Variants in DYNC1I2 observed in about 807,000 individuals in gnomAD.
DYNC1I2 encodes dynein cytoplasmic 1 intermediate chain 2.
DYNC1I2 carries 53 observed loss-of-function variants against 88.6 expected under a neutral mutation model. The observed-to-expected ratio is 0.60, with a 90% CI of 0.48 to 0.75. The LOEUF is 0.75. Among genes scored for constraint, DYNC1I2 ranks in the 30% least tolerant of loss-of-function variants. The probability of loss-of-function intolerance (pLI) is 0.00; values close to 1 mark genes in which losing one functional copy is unlikely to be tolerated. For missense variants in DYNC1I2, 458 were observed against 766.6 expected (o/e 0.60, Z 4.75); for synonymous variants, 198 against 254.6 (o/e 0.78, Z 2.12).
rs1689955643 is a variant in DYNC1I2 at position 171,748,846 on chromosome 2, T to C, written c.*957T>C. 6.6e-6 allele frequency among the ~76,000 whole-genome samples: 1 copy of C among 152,200 alleles called. No individual in the cohort carries two copies. The highest frequency in any genetic ancestry group is 6.5e-5 in the Admixed American group (1 of 15,286). On this transcript the variant is annotated 3_prime_UTR_variant, in exon 18 of 18. Transcript: ENST00000397119. ...ATACTTTGGCATTAAAATCTACATCTTGAGATCTGTTGCCACAGCATTGTC... is the reference window on the plus strand; with the variant it reads ...ATACTTTGGCATTAAAATCTACATCCTGAGATCTGTTGCCACAGCATTGTC...
intron 10 of DYNC1I2, 180 bp downstream of exon 10, chr2:171,726,473 A>G (rs1237664416): frequency 2.5e-5 from 14 of 565,218 alleles, no homozygotes; most frequent in Non-Finnish European, 3.8e-5. Flanking sequence ...GATTAGAAGC[A>G]TTATTTATAT....
intron 15 of DYNC1I2, among the ~76,000 whole-genome samples, chr2:171,741,436 T>G (rs1474426021): frequency 6.6e-6 from 1 of 152,188 alleles, no homozygotes; most frequent in Non-Finnish European, 1.5e-5. Flanking sequence ...CACCAACATT[T>G]GTTACTTTTT....
chr2:171,729,131 T>A (rs947573662), intron 14 of DYNC1I2, among the ~76,000 whole-genome samples: 1 of 152,340 alleles, frequency 6.6e-6, no homozygotes, highest in African/African-American at 2.4e-5. Flanking sequence ...AAATACAATA[T>A]GCACATGCCA....
intron 2 of DYNC1I2, among the ~76,000 whole-genome samples, 183 bp from the exon 3 acceptor site, chr2:171,692,594 G>A (rs371239541): frequency 6.6e-6 from 1 of 152,060 alleles, no homozygotes; most frequent in Non-Finnish European, 1.5e-5. Context: ...TCATTTGAAG[G>A]TTATTTACTA....
chr2:171,699,591 A>AGTGTGTGTGTGTGT lies in DYNC1I2; in HGVS notation c.226+6727_226+6740dup, dbSNP rs3223500. ...AGAGCAGGGGTTATTCATCATTTGG[A>AGTGTGTGTGTGTGT]GTGTGTGTGTGTGTGTGTGTGTGTG... On this transcript the variant is annotated intron_variant, in intron 3 of 17. Coordinates refer to ENST00000397119, the MANE Select transcript of DYNC1I2 (RefSeq NM_001378.3). Among the ~76,000 whole-genome samples, 55 of 137,822 alleles carry AGTGTGTGTGTGTGT rather than the reference A, an allele frequency of 4.0e-4. 1 individual carries two copies. The highest frequency in any genetic ancestry group is 3.6e-4 in the African/African-American group (13 of 36,270). 90.4% of individuals were successfully genotyped at this position (137,822 alleles called of 152,430 possible). A position where few individuals can be genotyped will look rare whatever the true frequency, so the allele number is the denominator to read the frequency against.
Position 171,691,538 on chromosome 2 carries a change from G to T in DYNC1I2, c.109-1239G>T, listed in dbSNP as rs576959790. Among the ~76,000 whole-genome samples, 5 of 152,278 alleles carry T rather than the reference G, an allele frequency of 3.3e-5. No individual in the cohort carries two copies. In the South Asian group the frequency reaches 1.0e-3, roughly 32 times the overall value. On this transcript the variant is annotated intron_variant, in intron 2 of 17. Coordinates refer to ENST00000397119, the MANE Select transcript of DYNC1I2 (RefSeq NM_001378.3). ...AATTTATGTGCAGCATTACTATGAT[G>T]CTGTAAAGGCCTGTAATTGAAGAAT...
At chr2:171,731,534 C>T (rs1459587858) in intron 15 of DYNC1I2, among the ~76,000 whole-genome samples, 1 of 152,214 alleles carries the variant, frequency 6.6e-6, no homozygotes, top group Admixed American at 6.5e-5. Flanking sequence ...AGAAGGATTA[C>T]TTGAGCCCAG....
chr2:171,718,204 C>T (rs576586338), intron 7 of DYNC1I2, among the ~76,000 whole-genome samples: 8 of 152,220 alleles, frequency 5.3e-5, no homozygotes, highest in East Asian at 1.9e-4. Flanking sequence ...GTGATCTGCC[C>T]GCCTTGGCCT....
intron 4 of DYNC1I2, chr2:171,707,072 A>C: frequency 1.5e-6 from 1 of 669,718 alleles, no homozygotes; most frequent in South Asian, 2.1e-5. Flanking sequence ...GCATTTTGCC[A>C]GAAAAATTGC....
intron 15 of DYNC1I2, among the ~76,000 whole-genome samples, chr2:171,731,810 GT>G (rs1688632880): frequency 6.6e-6 from 1 of 152,116 alleles, no homozygotes; most frequent in Non-Finnish European, 1.5e-5. Context: ...GGAAAAGCAA[GT>G]TGGAAAATGA....
intron 16 of DYNC1I2, 23 bp downstream of exon 16, chr2:171,744,212 T>C (rs779297818): frequency 6.4e-7 from 1 of 1,562,432 alleles, no homozygotes; most frequent in Non-Finnish European, 8.6e-7. Flanking sequence ...ATAACAAAAA[T>C]TGCATTGAAA....
In DYNC1I2 at chr2:171,749,156, G is replaced by A. The variant is rs1689968489; in HGVS notation, c.*1267G>A. Among the ~76,000 whole-genome samples the A allele has an allele frequency of 6.6e-6, 1 of 152,110 alleles. No homozygotes were observed. Among genetic ancestry groups the A allele is most frequent in the Admixed American group, 6.5e-5 (1 of 15,274 alleles). On this transcript the variant is annotated 3_prime_UTR_variant, in exon 18 of 18. Coordinates refer to ENST00000397119, the MANE Select transcript of DYNC1I2 (RefSeq NM_001378.3). ...TTCCAAATAATGAGTAGTGTATAGT[G>A]TAAGGAATAATTGACCTGGAATTAT...
chr2:171,744,338 T>C (rs1271417572), intron 16 of DYNC1I2, 149 bp downstream of exon 16: 2 of 848,650 alleles, frequency 2.4e-6, no homozygotes, highest in Admixed American at 6.5e-5. Flanking sequence ...CTTTGTACCC[T>C]AAATAATAAA....
intron 6 of DYNC1I2, among the ~76,000 whole-genome samples, chr2:171,713,520 T>C (rs2105590635): frequency 6.6e-6 from 1 of 152,184 alleles, no homozygotes; most frequent in South Asian, 2.1e-4. Context: ...TTTTTAGAGT[T>C]TTAAAACTTG....
intron 5 of DYNC1I2, among the ~76,000 whole-genome samples, chr2:171,711,088 A>G (rs1687094380): frequency 6.9e-6 from 1 of 145,412 alleles, no homozygotes; most frequent in South Asian, 2.2e-4. Flanking sequence ...CTCATTGTTC[A>G]ATTCCCACCT....
chr2:171,748,547 A>T lies in DYNC1I2; in HGVS notation c.*658A>T, dbSNP rs936842436. ...TCCTATAGAGCTGTGTACCCTAAAT[A>T]TACCATGTGGTATATACTATAGATC... On this transcript the variant is annotated 3_prime_UTR_variant, in exon 18 of 18. Transcript: ENST00000397119. 1.9e-4 allele frequency: 29 copies of T among 152,178 alleles called. No individual in the cohort carries two copies. The highest frequency in any genetic ancestry group is 7.0e-4 in the African/African-American group (29 of 41,452). The allele number at this position is 152,178 out of a possible 1,614,324, so 9.4% of individuals were successfully genotyped here.
intron 15 of DYNC1I2, among the ~76,000 whole-genome samples, chr2:171,737,466 G>A (rs1172218328): frequency 1.3e-5 from 2 of 152,190 alleles, no homozygotes; most frequent in African/African-American, 4.8e-5. Context: ...TGCCCAGGCT[G>A]GAGCGCAGTG....
intron 3 of DYNC1I2, among the ~76,000 whole-genome samples, chr2:171,701,662 G>T (rs2138348): frequency 0.27 from 40,451 of 152,082 alleles, 5,516 homozygotes; most frequent in African/African-American, 0.3. Context: ...TAGTGAACAT[G>T]ATTGGCTATA....
chr2:171,734,947 C>T (rs1688904160), intron 15 of DYNC1I2, among the ~76,000 whole-genome samples: 1 of 152,182 alleles, frequency 6.6e-6, no homozygotes, highest in Admixed American at 6.5e-5. Flanking sequence ...GTTCCAATTT[C>T]ATTTTAAACT....
Sources: allele counts gnomAD v4.1 joint callset (sites outside exome capture counted in the v4.1 genomes callset), GRCh38; gene constraint gnomAD v4.1.1; transcripts MANE v1.5; gene names NCBI Gene and HGNC (gene_info 2026-07-23, HGNC 2026-07-21).